EIPR1: variants seen among roughly 807,000 people sequenced by gnomAD.
EIPR1 encodes the protein EARP and GARP complex-interacting protein 1.
A neutral mutation model predicts 48.1 loss-of-function variants in EIPR1; 25 were observed. The observed-to-expected ratio is 0.52, with a 90% CI of 0.38 to 0.73. The LOEUF (loss-of-function observed/expected upper bound fraction) is 0.73. Among genes scored for constraint, EIPR1 ranks in the 30% least tolerant of loss-of-function variants. The pLI, the probability that EIPR1 is intolerant of heterozygous loss-of-function variation, is 0.00. For synonymous variants in EIPR1, 204 were observed against 201.9 expected (o/e 1.01, Z -0.09); for missense variants, 415 against 506.2 (o/e 0.82, Z 1.73).
At chr2:3,292,872 A>C (rs1409494698) in intron 3 of EIPR1, among the ~76,000 whole-genome samples, 1 of 152,012 alleles carries the variant, frequency 6.6e-6, no homozygotes. Flanking sequence ...AAAAAAAAAA[A>C]CTAAAACTAA....
At chr2:3,308,917 T>C (rs1669037231) in intron 3 of EIPR1, among the ~76,000 whole-genome samples, 1 of 152,024 alleles carries the variant, frequency 6.6e-6, no homozygotes, top group Admixed American at 6.5e-5. Context: ...GAAAGGGAAA[T>C]AAAGATATTT....
chr2:3,269,599 A>AATCATCACAATC (rs70938933), intron 3 of EIPR1, among the ~76,000 whole-genome samples: 1,818 of 44,942 alleles, frequency 0.04, 191 homozygotes, highest in African/African-American at 0.069. Context: ...CATCGCACTC[A>AATCATCACAATC]ATCGCACTCA....
chr2:3,310,991 G>A (rs981902134), intron 3 of EIPR1, among the ~76,000 whole-genome samples: 2 of 151,980 alleles, frequency 1.3e-5, no homozygotes, highest in Non-Finnish European at 2.9e-5. Context: ...ACAAGACCCC[G>A]AGCAAACCAA....
intron 2 of EIPR1, among the ~76,000 whole-genome samples, chr2:3,339,269 C>T (rs1045070771): frequency 3.9e-5 from 6 of 152,292 alleles, no homozygotes; most frequent in African/African-American, 9.6e-5. Flanking sequence ...TTTTCCTTTA[C>T]TTCTTTGTGC....
chr2:3,297,547 G>A (rs1327786394), intron 3 of EIPR1, among the ~76,000 whole-genome samples: 1 of 152,226 alleles, frequency 6.6e-6, no homozygotes, highest in Non-Finnish European at 1.5e-5. Context: ...ATGCCCAGGG[G>A]AAACAGCCAG....
chr2:3,373,516 C>T (rs74859396), intron 1 of EIPR1, among the ~76,000 whole-genome samples: 9,925 of 150,986 alleles, frequency 0.066, 332 homozygotes, highest in African/African-American at 0.073. Flanking sequence ...AGCTGATAAG[C>T]AACTTCAGCA....
At chr2:3,373,533 C>T (rs1331105835) in intron 1 of EIPR1, among the ~76,000 whole-genome samples, 1 of 151,186 alleles carries the variant, frequency 6.6e-6, no homozygotes, top group Admixed American at 6.6e-5. Flanking sequence ...AGCAAAGTCT[C>T]AGGATACAAA....
At position 3,239,700 on chromosome 2, in the gene EIPR1, T is replaced by C. The variant is rs149711225; in HGVS notation, c.416+17599A>G. Among the ~76,000 whole-genome samples the C allele has an allele frequency of 3.3e-3, 497 of 151,304 alleles. 4 individuals carry two copies. The highest frequency in any genetic ancestry group is 0.011 in the African/African-American group (468 of 41,152). ...CCTCAGGGCGTCCCTTCCTGGCTGC[T>C]CATTAACCCCCTTTCCACATGTGGC... On this transcript the variant is annotated intron_variant, in intron 4 of 8. Transcript: ENST00000382125.
chr2:3,341,379 G>C (rs1437871277), intron 2 of EIPR1, among the ~76,000 whole-genome samples: 1 of 152,200 alleles, frequency 6.6e-6, no homozygotes, highest in Non-Finnish European at 1.5e-5. Context: ...TCATGGCAGT[G>C]ACACGGGTGC....
chr2:3,236,368 G>A (rs369970026), intron 4 of EIPR1, among the ~76,000 whole-genome samples: 1 of 152,132 alleles, frequency 6.6e-6, no homozygotes, highest in Admixed American at 6.5e-5. Context: ...CTTGTCCCTC[G>A]CTGCCTGGCC....
chr2:3,350,097 G>A (rs529357960), intron 2 of EIPR1, among the ~76,000 whole-genome samples: 132 of 133,876 alleles, frequency 9.9e-4, no homozygotes, highest in Non-Finnish European at 3.3e-4. Flanking sequence ...CAGCCTGGGT[G>A]AGAGAGTAAG....
At chr2:3,207,609 T>C (rs1665282257) in intron 5 of EIPR1, among the ~76,000 whole-genome samples, 1 of 152,228 alleles carries the variant, frequency 6.6e-6, no homozygotes, top group Non-Finnish European at 1.5e-5. Flanking sequence ...AACAGGGTGC[T>C]GATGGGGAGC....
At chr2:3,292,986 A>G (rs1386145680) in intron 3 of EIPR1, among the ~76,000 whole-genome samples, 2 of 152,196 alleles carry the variant, frequency 1.3e-5, no homozygotes, top group Non-Finnish European at 2.9e-5. Context: ...AAGCCCTGCT[A>G]CCCCGGTCCC....
At chr2:3,345,752 G>A (rs1558312256) in intron 2 of EIPR1, among the ~76,000 whole-genome samples, 1 of 152,154 alleles carries the variant, frequency 6.6e-6, no homozygotes, top group South Asian at 2.1e-4. Context: ...AGGTGGCACC[G>A]TGGCACTACA....
chr2:3,330,366 C>T (rs1055304803), intron 3 of EIPR1, among the ~76,000 whole-genome samples: 2 of 152,178 alleles, frequency 1.3e-5, no homozygotes, highest in South Asian at 2.1e-4. Context: ...GTCACAAAGA[C>T]ACAAAAGGGG....
At chr2:3,303,358 C>T (rs933437749) in intron 3 of EIPR1, among the ~76,000 whole-genome samples, 1 of 152,198 alleles carries the variant, frequency 6.6e-6, no homozygotes. Context: ...GGAGTCTCTG[C>T]GGCCCCCATC....
At chr2:3,313,596 A>C (rs1176805999) in intron 3 of EIPR1, among the ~76,000 whole-genome samples, 1 of 152,196 alleles carries the variant, frequency 6.6e-6, no homozygotes, top group East Asian at 1.9e-4. Context: ...CCTCAGGGGT[A>C]ATAAATGCTG....
At chr2:3,300,214 T>C (rs1041431114) in intron 3 of EIPR1, among the ~76,000 whole-genome samples, 8 of 152,242 alleles carry the variant, frequency 5.3e-5, no homozygotes, top group African/African-American at 1.9e-4. Flanking sequence ...TCCTATATTA[T>C]GGAAAACTAG....
At chr2:3,255,751 A>T (rs539201896) in intron 4 of EIPR1, among the ~76,000 whole-genome samples, 8 of 152,322 alleles carry the variant, frequency 5.3e-5, no homozygotes, top group African/African-American at 1.9e-4. Context: ...ACCTGCGCAG[A>T]GTCTCACTCA....
Sources: allele counts gnomAD v4.1 joint callset (sites outside exome capture counted in the v4.1 genomes callset), GRCh38; gene constraint gnomAD v4.1.1; transcripts MANE v1.5; gene names NCBI Gene and HGNC (gene_info 2026-07-23, HGNC 2026-07-21).